Variants in TTLL5 observed in about 807,000 individuals in gnomAD.
TTLL5 encodes tubulin tyrosine ligase like 5.
In TTLL5, 132 loss-of-function variants were observed where a neutral mutation model predicts 168.4. The ratio of observed to expected loss-of-function variants is 0.78; its 90% CI spans 0.68 to 0.91. TTLL5 has a LOEUF of 0.91. TTLL5 is among the 40% of genes least tolerant of loss of function. The pLI is 0.00. For missense variants in TTLL5, 1,545 were observed against 1,581.5 expected (o/e 0.98, Z 0.39); for synonymous variants, 546 against 558.6 (o/e 0.98, Z 0.32).
intron 31 of TTLL5, chr14:75,904,298 C>G (rs1203827678): frequency 1.9e-6 from 2 of 1,037,786 alleles, no homozygotes; most frequent in Non-Finnish European, 2.4e-6. Context: ...TTGTTATGAA[C>G]TGCGAAGTAA....
At chr14:75,863,606 T>A in intron 28 of TTLL5, 61 bp from the exon 29 acceptor site, 1 of 1,445,644 alleles carries the variant, frequency 6.9e-7, no homozygotes, top group Non-Finnish European at 9.2e-7. Context: ...ATTTCTCTCC[T>A]TTCCTCTAGA....
Position 75,720,839 on chromosome 14 carries a change from A to C in TTLL5, c.1042+136A>C. ...TGGACTCTTCTTTCTAAGCTCATGT[A>C]GCATATGAAGAGCCTACTAAGAGGC... On this transcript the variant is annotated intron_variant, in intron 12 of 31. Transcript: ENST00000298832. 4.1e-6 allele frequency: 3 copies of C among 726,534 alleles called. No individual in the cohort carries two copies. In the South Asian group the frequency reaches 5.1e-5, roughly 12 times the overall value. The allele number at this position is 726,534 out of a possible 1,614,324, so 45.0% of individuals were successfully genotyped here.
chr14:75,718,256 C>A (rs117349828), intron 10 of TTLL5, among the ~76,000 whole-genome samples: 1 of 152,234 alleles, frequency 6.6e-6, no homozygotes, highest in Non-Finnish European at 1.5e-5. Flanking sequence ...GCATATGGAA[C>A]GTTTTAGAAG....
chr14:75,894,099 G>T (rs1416168016), intron 30 of TTLL5, among the ~76,000 whole-genome samples: 1 of 152,108 alleles, frequency 6.6e-6, no homozygotes, highest in Non-Finnish European at 1.5e-5. Flanking sequence ...ACTGATAAGG[G>T]TCCGTGTCGA....
chr14:75,776,961 T>C, intron 23 of TTLL5, 111 bp downstream of exon 23: 2 of 893,016 alleles, frequency 2.2e-6, no homozygotes, highest in Non-Finnish European at 3.4e-6. Flanking sequence ...GAAATCACTC[T>C]TAAAGCCGGG....
chr14:75,693,684 C>G (rs1023176959), intron 6 of TTLL5, among the ~76,000 whole-genome samples: 1 of 152,144 alleles, frequency 6.6e-6, no homozygotes, highest in Admixed American at 6.5e-5. Flanking sequence ...GCTTTCTAAG[C>G]AGAAGGAAGA....
chr14:75,935,992 A>G (rs1276643011), intron 31 of TTLL5, among the ~76,000 whole-genome samples: 1 of 152,226 alleles, frequency 6.6e-6, no homozygotes, highest in Non-Finnish European at 1.5e-5. Context: ...GTTATGGCAT[A>G]TAGCCCTTAA....
intron 6 of TTLL5, among the ~76,000 whole-genome samples, chr14:75,695,362 C>T (rs1293000563): frequency 6.6e-6 from 1 of 152,228 alleles, no homozygotes; most frequent in Non-Finnish European, 1.5e-5. Flanking sequence ...TTATCAATGA[C>T]AATGCGTGCC....
chr14:75,663,064 C>T lies in TTLL5; in HGVS notation c.-86C>T, dbSNP rs1363370208. The T allele has an allele frequency of 2.7e-6, 3 of 1,112,406 alleles. No individual in the cohort carries two copies. The highest frequency in any genetic ancestry group is 4.1e-6 in the Non-Finnish European group (3 of 738,654). The allele number at this position is 1,112,406 out of a possible 1,614,324, so 68.9% of individuals were successfully genotyped here. ...AGTTGATTTCTTGCAGGAATCTGTG[C>T]CATCCAAATTGCTTGATCCAGTGAA... On this transcript the variant is annotated 5_prime_UTR_variant, in exon 2 of 32. Transcript: ENST00000298832.
intron 30 of TTLL5, among the ~76,000 whole-genome samples, chr14:75,892,963 G>T (rs1392541044): frequency 1.3e-5 from 2 of 152,112 alleles, no homozygotes; most frequent in Non-Finnish European, 2.9e-5. Context: ...CAAGCACAGA[G>T]ACCAGGGCGG....
intron 28 of TTLL5, among the ~76,000 whole-genome samples, chr14:75,836,844 T>C (rs1387485710): frequency 1.3e-5 from 2 of 152,208 alleles, no homozygotes; most frequent in African/African-American, 4.8e-5. Flanking sequence ...AATCCAGTGA[T>C]AGACCATCAT....
At chr14:75,887,183 C>T in intron 30 of TTLL5, 1 of 1,001,222 alleles carries the variant, frequency 1.0e-6, no homozygotes, top group Non-Finnish European at 1.2e-6. Context: ...GACTGGGTAG[C>T]CTGGTAGCAC....
chr14:75,707,590 T>A (rs781135363), intron 8 of TTLL5, 33 bp from the exon 9 acceptor site: 2 of 1,595,524 alleles, frequency 1.3e-6, no homozygotes. Flanking sequence ...TGAACTTAGT[T>A]TTTTTTTGTG....
At chr14:75,884,372 C>T (rs1220083187) in intron 30 of TTLL5, among the ~76,000 whole-genome samples, 2 of 152,298 alleles carry the variant, frequency 1.3e-5, no homozygotes, top group African/African-American at 4.8e-5. Flanking sequence ...TGGGCCCAGG[C>T]GGCAGGGCTG....
intron 27 of TTLL5, among the ~76,000 whole-genome samples, chr14:75,793,397 T>C (rs1263492132): frequency 6.6e-6 from 1 of 152,208 alleles, no homozygotes; most frequent in Non-Finnish European, 1.5e-5. Context: ...TCTTTAAAAA[T>C]AAGTTCTTTT....
intron 1 of TTLL5, among the ~76,000 whole-genome samples, chr14:75,662,815 T>A (rs1403568259): frequency 6.6e-6 from 1 of 152,196 alleles, no homozygotes; most frequent in East Asian, 1.9e-4. Flanking sequence ...TCAAACTTAG[T>A]AACAGCTCTT....
intron 2 of TTLL5, among the ~76,000 whole-genome samples, chr14:75,667,751 GT>G (rs67181555): frequency 0.021 from 1,856 of 89,024 alleles, 18 homozygotes; most frequent in South Asian, 0.046. Context: ...ATCTTTTTAT[GT>G]TTTTTTTTTT....
chr14:75,692,046 G>A (rs935080568), intron 6 of TTLL5, among the ~76,000 whole-genome samples: 4 of 152,196 alleles, frequency 2.6e-5, no homozygotes, highest in African/African-American at 9.7e-5. Context: ...CAGAACTTCA[G>A]TGCACTCAAA....
intron 30 of TTLL5, among the ~76,000 whole-genome samples, chr14:75,893,340 C>T (rs926252943): frequency 3.3e-5 from 5 of 152,154 alleles, no homozygotes; most frequent in African/African-American, 9.7e-5. Context: ...GAAACCAGAA[C>T]ATTAAGCGTA....
Sources: allele counts gnomAD v4.1 joint callset (sites outside exome capture counted in the v4.1 genomes callset), GRCh38; gene constraint gnomAD v4.1.1; transcripts MANE v1.5; gene names NCBI Gene and HGNC (gene_info 2026-07-23, HGNC 2026-07-21).